Variants in MED12 observed in about 807,000 individuals in gnomAD.
MED12 encodes the protein mediator complex subunit 12.
Under a neutral mutation model 177.7 loss-of-function variants are expected in MED12, and 10 were observed. The observed-to-expected ratio is 0.06, with a 90% confidence interval of 0.03 to 0.10. The LOEUF is 0.10. MED12 is among the 10% of genes least tolerant of loss of function. MED12 has a pLI of 1.00. For missense variants in MED12, 867 were observed against 1,780.8 expected, an observed-to-expected ratio of 0.49 and a Z score of 9.23; for synonymous variants, 641 against 678.4, an observed-to-expected ratio of 0.94 and a Z score of 0.86.
chrX:71,139,460 T>C (rs1249976477), intron 41 of MED12, among the ~76,000 whole-genome samples: 1 of 110,854 alleles, frequency 9.0e-6, no homozygotes, highest in Non-Finnish European at 1.9e-5. Flanking sequence ...GGGGGCAGGC[T>C]GAGAGATGGC....
In MED12 at chrX:71,128,034, G is replaced by A. The variant is rs900705365; in HGVS notation, c.3123G>A (p.Lys1041=). ...CCTTCACCTACACGGGGCTAGGCAA[G>A]AGTCTTAGTGAGAACCCTGCTAACC... ...AHTFTYTGLG[K]SLSENPANRY... The change falls in exon 22 of 45, where the codon AAG becomes AAA. Residue 1041 remains lysine, a synonymous_variant. Coordinates refer to ENST00000374080, the MANE Select transcript of MED12 (RefSeq NM_005120.3). 1.7e-6 allele frequency: 2 copies of A among 1,211,427 alleles called. No homozygotes were observed. Among genetic ancestry groups the A allele is most frequent in the East Asian group, 3.0e-5 (1 of 33,831 alleles).
In MED12 at chrX:71,121,788, T is replaced by C; in HGVS notation, c.1073T>C (p.Leu358Pro). The C allele has an allele frequency of 8.3e-7, 1 of 1,211,909 alleles. No individual in the cohort carries two copies. The highest frequency in any genetic ancestry group is 1.1e-6 in the Non-Finnish European group (1 of 895,527). The change falls in exon 7 of 45, where the codon CTG becomes CCG. Residue 358 changes from leucine (L) to proline (P), a missense_variant. Leu to Pro is a moderately conservative substitution (Grantham distance 98). Transcript: ENST00000374080. ...DLLMCPQHRP[L>P]VFGLSCILQT... ...CTTATGTGCCCTCAGCACCGGCCCC[T>C]GGTTTTTGGCCTCAGCTGTATCCTA...
In MED12 at chrX:71,124,225, T is replaced by C. The variant is rs1406799507; in HGVS notation, c.1811T>C (p.Ile604Thr). The C allele has an allele frequency of 8.3e-7, 1 of 1,209,514 alleles. No homozygotes were observed. Among genetic ancestry groups the C allele is most frequent in the African/African-American group, 1.8e-5 (1 of 57,012 alleles). Residue 604 changes from isoleucine to threonine, a missense_variant, in exon 13 of 45, where the codon ATT becomes ACT. By Grantham distance (89) the Ile-to-Thr change is moderately conservative. Around this residue, in one of 14 missense-constraint regions of MED12, gnomAD observed 309 missense variants for 556.3 expected, o/e 0.56. Coordinates refer to ENST00000374080, the MANE Select transcript of MED12 (RefSeq NM_005120.3). Reference protein sequence around the residue: ...FNLVLLFCELIRHDVFSHNMY... With the variant: ...FNLVLLFCELTRHDVFSHNMY... ...TTAGTACTGCTGTTCTGTGAACTGA[T>C]TCGACATGATGTTTTCTCCCACAAC...
chrX:71,135,772 C>G (rs1411802878), intron 36 of MED12, among the ~76,000 whole-genome samples: 1 of 111,753 alleles, frequency 8.9e-6, no homozygotes. Context: ...CCGTCTCTGT[C>G]TCTCTCCCTG....
At chrX:71,136,047 C>A (rs1269119827) in intron 36 of MED12, among the ~76,000 whole-genome samples, 1 of 107,288 alleles carries the variant, frequency 9.3e-6, no homozygotes, top group African/African-American at 3.4e-5. Flanking sequence ...ATCTCCTCTC[C>A]TGGTCTGGGC....
At chrX:71,138,750 G>A (rs1293391575) in intron 41 of MED12, among the ~76,000 whole-genome samples, 1 of 106,542 alleles carries the variant, frequency 9.4e-6, no homozygotes, top group African/African-American at 3.4e-5. Context: ...GTGAGACCCT[G>A]TCTCAAAAAA....
Position 71,126,049 on chromosome X carries a change from G to A in MED12, c.2436G>A (p.Gly812=). 1.7e-6 allele frequency: 2 copies of A among 1,207,906 alleles called. No individual in the cohort carries two copies. The highest frequency in any genetic ancestry group is 2.2e-6 in the Non-Finnish European group (2 of 892,532). ...GDLTFLGGED[G]QKRRRNRPEA... is the part of the protein sequence containing the mutation. ...CTGTCCCCTCAGGTGGGGAGGATGG[G>A]CAGAAGCGGCGACGCAACCGGCCTG... Residue 812 remains glycine (G), a synonymous_variant, in exon 18 of 45, where the codon GGG becomes GGA. Transcript: ENST00000374080.
In MED12 at chrX:71,140,637, T is replaced by G; in HGVS notation, c.6047T>G (p.Phe2016Cys). 3 of 1,210,348 alleles carry G rather than the reference T, an allele frequency of 2.5e-6. No individual in the cohort carries two copies. The highest frequency in any genetic ancestry group is 3.4e-6 in the Non-Finnish European group (3 of 895,107). ...YGHGLTSTQR[F>C]SHQTLQQTPM... Reference sequence around the variant, plus strand: ...CTCTGACCCTCTTATCTTTGGAGGTTTTCACACCAGACACTGCAGCAGACA... The same window carrying G: ...CTCTGACCCTCTTATCTTTGGAGGTGTTCACACCAGACACTGCAGCAGACA... Residue 2016 changes from phenylalanine (F) to cysteine (C), a missense_variant and splice_region_variant, in exon 42 of 45, where the codon TTT becomes TGT. Physicochemically the swap from Phe to Cys is radical, Grantham distance 205. Coordinates refer to ENST00000374080, the MANE Select transcript of MED12 (RefSeq NM_005120.3).
chrX:71,132,606 A>G, intron 31 of MED12, 68 bp downstream of exon 31: 2 of 1,110,197 alleles, frequency 1.8e-6, no homozygotes, highest in Non-Finnish European at 1.2e-6. Context: ...CCGGGGAAGA[A>G]TAAAATGGGC....
In MED12 at chrX:71,140,776, G is replaced by A. The variant is rs1362044936; in HGVS notation, c.6186G>A (p.Gln2062=). 1.7e-6 allele frequency: 2 copies of A among 1,197,019 alleles called. No individual in the cohort carries two copies. Among genetic ancestry groups the A allele is most frequent in the East Asian group, 3.0e-5 (1 of 33,659 alleles). The change falls in exon 42 of 45, where the codon CAG becomes CAA. Residue 2062 remains glutamine (Q), a synonymous_variant. Transcript: ENST00000374080. ...QQQQQQQQQQ[Q]QQQQQQQQQQ... ...AGCAGCAACAGCAGCAACAGCAACAGCAGCAGCAGCAGCAACAGCAACAGC... is the reference window on the plus strand; with the variant it reads ...AGCAGCAACAGCAGCAACAGCAACAACAGCAGCAGCAGCAACAGCAACAGC...
chrX:71,127,238 T>A (rs2092305492), intron 20 of MED12, 98 bp from the exon 21 acceptor site: 2 of 1,154,337 alleles, frequency 1.7e-6, no homozygotes, highest in Non-Finnish European at 2.3e-6. Context: ...CACCTGCTGC[T>A]CAGGTGGGAA....
rs761233166 is a variant in MED12 at position 71,122,658 on chromosome X, G to A, written c.1348+51G>A. ...GAAATATGTTTGAGGAAAGGATGGG[G>A]ATAGTAAGGACATGTAGATCTAAGA... On this transcript the variant is annotated intron_variant, in intron 9 of 44. Transcript: ENST00000374080. The A allele has an allele frequency of 4.2e-6, 5 of 1,196,325 alleles. No homozygotes were observed. The African/African-American group carries it at 8.8e-5, about 21-fold the overall frequency.
rs863223701 is a variant in MED12, at chrX:71,125,716, A to G, written c.2422+3A>G. On this transcript the variant is annotated splice_donor_region_variant and intron_variant, in intron 17 of 44. Coordinates refer to ENST00000374080, the MANE Select transcript of MED12 (RefSeq NM_005120.3). The stretch of plus-strand genomic sequence containing the variant: ...TCCTGGAGACCTGACATTCTTAGGT[A>G]CCTCACAGTAAGCCCCATACTGCCC... The G allele has an allele frequency of 8.4e-7, 1 of 1,183,926 alleles. No homozygotes were observed. The highest frequency in any genetic ancestry group is 1.1e-6 in the Non-Finnish European group (1 of 881,246).
chrX:71,128,147 G>T, intron 22 of MED12, 27 bp downstream of exon 22: 2 of 1,191,453 alleles, frequency 1.7e-6, no homozygotes, highest in Non-Finnish European at 2.3e-6. Context: ...GTGAGGAAGG[G>T]CACCATGCCC....
chrX:71,125,382 G>A lies in MED12; in HGVS notation c.2258G>A (p.Arg753Gln), dbSNP rs761529397. 1.7e-6 allele frequency: 2 copies of A among 1,211,027 alleles called. No individual in the cohort carries two copies. Among genetic ancestry groups the A allele is most frequent in the Admixed American group, 2.2e-5 (1 of 45,944 alleles). Residue 753 changes from arginine to glutamine, a missense_variant, in exon 16 of 45, where the codon CGG (arginine) becomes CAG (glutamine). By Grantham distance (43) the Arg-to-Gln change is conservative. This residue lies in a region of MED12 where 309 missense variants were observed against 556.3 expected (regional missense o/e 0.56). Transcript: ENST00000374080. ...TCATGCAGCCATGAGTGCAACCAGCGGTTGGTCGTACTGTTTGGGGTGGGA... is the reference window on the plus strand; with the variant it reads ...TCATGCAGCCATGAGTGCAACCAGCAGTTGGTCGTACTGTTTGGGGTGGGA... ...EESCSHECNQ[R>Q]LVVLFGVGKQ...
chrX:71,133,007 C>T (rs757271163), intron 32 of MED12, 51 bp downstream of exon 32: 5 of 1,059,873 alleles, frequency 4.7e-6, no homozygotes, highest in East Asian at 3.1e-5. Flanking sequence ...GAAGGATGCA[C>T]CTAAGGGGTT....
At chrX:71,141,606 T>C (rs2092348148) in intron 43 of MED12, among the ~76,000 whole-genome samples, 1 of 111,898 alleles carries the variant, frequency 8.9e-6, no homozygotes. Context: ...CTGGCCAAGA[T>C]GGTGAAACCC....
At position 71,123,128 on chromosome X, in the gene MED12, C is replaced by T. The variant is rs751739283; in HGVS notation, c.1519C>T (p.Leu507=). 8.3e-7 allele frequency: 1 copy of T among 1,210,858 alleles called. No individual in the cohort carries two copies. Among genetic ancestry groups the T allele is most frequent in the Non-Finnish European group, 1.1e-6 (1 of 894,838 alleles). The change falls in exon 11 of 45, where the codon CTA becomes TTA. Residue 507 remains leucine (L), a synonymous_variant. Coordinates refer to ENST00000374080, the MANE Select transcript of MED12 (RefSeq NM_005120.3). The part of the protein sequence containing the change: ...SSDDDAVVSL[L]CEWAVSCKRS... The stretch of plus-strand genomic sequence containing the variant: ...AGATGATGATGCTGTGGTGTCATTG[C>T]TATGTGAATGGGCTGTCAGCTGCAA...
At chrX:71,141,851 A>G in intron 43 of MED12, 32 bp from the exon 44 acceptor site, 1 of 1,183,410 alleles carries the variant, frequency 8.5e-7, no homozygotes, top group Non-Finnish European at 1.1e-6. Context: ...GAAAAGTTCG[A>G]CTTCAGTCTT....
Sources: allele counts gnomAD v4.1 joint callset (sites outside exome capture counted in the v4.1 genomes callset), GRCh38; gene constraint gnomAD v4.1.1; regional missense constraint gnomAD v4.1.1; transcripts MANE v1.5; gene names NCBI Gene and HGNC (gene_info 2026-07-23, HGNC 2026-07-21).